The following HIPK3 variants were observed in gnomAD, a reference collection of about 807,000 sequenced individuals.
HIPK3 encodes the protein homeodomain interacting protein kinase 3, also known as homeodomain-interacting protein kinase 3.
In HIPK3, 47 loss-of-function variants were observed where a neutral mutation model predicts 124.2. The observed-to-expected ratio is 0.38, with a 90% CI of 0.30 to 0.48. The LOEUF (loss-of-function observed/expected upper bound fraction) is 0.48, where lower values mean the gene tolerates loss of function less well. Ranked by LOEUF, HIPK3 falls within the 20% of genes least tolerant of loss-of-function variation. The pLI, the probability that HIPK3 is intolerant of heterozygous loss-of-function variation, is 0.98. For synonymous variants in HIPK3, 482 were observed against 515.2 expected, an observed-to-expected ratio of 0.94 and a Z score of 0.87; for missense variants, 1,286 against 1,454.3, an observed-to-expected ratio of 0.88 and a Z score of 1.88.
chr11:33,272,109 A>G (rs942510614), intron 1 of HIPK3, among the ~76,000 whole-genome samples: 16 of 152,206 alleles, frequency 1.1e-4, no homozygotes, highest in African/African-American at 3.1e-4. Context: ...TAAGAATTCA[A>G]TGTCGTGGCC....
intron 1 of HIPK3, among the ~76,000 whole-genome samples, chr11:33,274,223 T>C (rs1851212965): frequency 6.6e-6 from 1 of 152,212 alleles, no homozygotes; most frequent in Non-Finnish European, 1.5e-5. Flanking sequence ...CCAGTTTACC[T>C]GTTGAGTTGT....
intron 1 of HIPK3, chr11:33,258,803 G>A: frequency 2.3e-6 from 2 of 866,328 alleles, no homozygotes; most frequent in Non-Finnish European, 2.8e-6. Flanking sequence ...GTCGTAACAC[G>A]TTCAGGCCTT....
chr11:33,258,205 G>GGC, intron 1 of HIPK3: 14 of 642,172 alleles, frequency 2.2e-5, no homozygotes, highest in South Asian at 7.0e-5. Flanking sequence ...GGGGGCCTCG[G>GGC]CCCCCCCTCC....
intron 1 of HIPK3, among the ~76,000 whole-genome samples, chr11:33,264,627 TG>T (rs1238126583): frequency 6.6e-6 from 1 of 152,230 alleles, no homozygotes; most frequent in African/African-American, 2.4e-5. Flanking sequence ...AAAACTTGGC[TG>T]TATTTGGCTA....
At chr11:33,300,575 A>G (rs890987505) in intron 2 of HIPK3, among the ~76,000 whole-genome samples, 1 of 152,246 alleles carries the variant, frequency 6.6e-6, no homozygotes, top group Non-Finnish European at 1.5e-5. Flanking sequence ...AGACTACAGT[A>G]TAATGTAAAC....
In HIPK3 at chr11:33,348,559, G is replaced by A. The variant is rs373565743; in HGVS notation, c.2407G>A (p.Ala803Thr). ...SLQNTNIPHS[A>T]FISPKIINGK... ...ACAGAATACCAATATCCCACATTCA[G>A]CATTTATTTCTCCAAAGATAATTAA... The change falls in exon 13 of 17, where the codon GCA (alanine) becomes ACA (threonine). Residue 803 changes from alanine to threonine, a missense_variant. Physicochemically the swap from Ala to Thr is moderately conservative, Grantham distance 58. Around this residue, in one of 3 missense-constraint regions of HIPK3, gnomAD observed 810 missense variants for 864.9 expected, o/e 0.94. Coordinates refer to ENST00000303296, the MANE Select transcript of HIPK3 (RefSeq NM_005734.5). 1.3e-4 allele frequency: 212 copies of A among 1,612,876 alleles called. No homozygotes were observed. Among genetic ancestry groups the A allele is most frequent in the Non-Finnish European group, 1.6e-4 (194 of 1,179,012 alleles).
At chr11:33,324,142 A>G (rs1228873401) in intron 2 of HIPK3, among the ~76,000 whole-genome samples, 1 of 152,236 alleles carries the variant, frequency 6.6e-6, no homozygotes, top group Non-Finnish European at 1.5e-5. Flanking sequence ...AAGTATATTT[A>G]GCCCATGGGA....
At chr11:33,321,515 G>A (rs978539765) in intron 2 of HIPK3, among the ~76,000 whole-genome samples, 7 of 152,172 alleles carry the variant, frequency 4.6e-5, no homozygotes, top group African/African-American at 1.4e-4. Flanking sequence ...ACTTCAGTAG[G>A]TGAGCATGGA....
chr11:33,264,670 GTA>G (rs1245424352), intron 1 of HIPK3, among the ~76,000 whole-genome samples: 2 of 152,084 alleles, frequency 1.3e-5, no homozygotes, highest in Non-Finnish European at 2.9e-5. Flanking sequence ...ATTTTAGAAA[GTA>G]TTTGATTTGC....
chr11:33,273,886 C>A (rs1370152387), intron 1 of HIPK3, among the ~76,000 whole-genome samples: 1 of 152,176 alleles, frequency 6.6e-6, no homozygotes, highest in African/African-American at 2.4e-5. Context: ...TCAGCTCTTA[C>A]AACTGAAAAA....
chr11:33,258,617 G>T, intron 1 of HIPK3: 1 of 985,392 alleles, frequency 1.0e-6, no homozygotes, highest in Non-Finnish European at 1.2e-6. Flanking sequence ...TCGCCGCACT[G>T]GGAGAACTGG....
chr11:33,294,229 T>C (rs575169577), intron 2 of HIPK3, among the ~76,000 whole-genome samples: 41 of 152,314 alleles, frequency 2.7e-4, no homozygotes, highest in African/African-American at 9.9e-4. Context: ...AGTTCCTTTT[T>C]TTTCTTTAAC....
intron 2 of HIPK3, among the ~76,000 whole-genome samples, chr11:33,322,719 A>C (rs1590399971): frequency 6.6e-6 from 1 of 152,296 alleles, no homozygotes; most frequent in South Asian, 2.1e-4. Flanking sequence ...CCAGCTACTC[A>C]GGAGGCTGAG....
chr11:33,339,514 A>T lies in HIPK3; in HGVS notation c.1593A>T (p.Leu531=). ...CTTTTGTTAATATGAAACATCTTCT[A>T]GATTTCCCTCATAGCAACCAGTATG... The part of the protein sequence containing the change: ...NHPFVNMKHL[L]DFPHSNHVKS... Residue 531 remains leucine, a synonymous_variant, in exon 6 of 17, where the codon CTA becomes CTT. Coordinates refer to ENST00000303296, the MANE Select transcript of HIPK3 (RefSeq NM_005734.5). 2 of 1,603,308 alleles carry T rather than the reference A, an allele frequency of 1.2e-6. No homozygotes were observed. The highest frequency in any genetic ancestry group is 1.7e-6 in the Non-Finnish European group (2 of 1,172,338).
chr11:33,304,450 G>A (rs1450989055), intron 2 of HIPK3, among the ~76,000 whole-genome samples: 1 of 151,936 alleles, frequency 6.6e-6, no homozygotes, highest in African/African-American at 2.4e-5. Flanking sequence ...CCAGCTACTC[G>A]GGAGGTTGAG....
At chr11:33,285,582 T>A (rs914140289) in intron 1 of HIPK3, among the ~76,000 whole-genome samples, 9 of 141,388 alleles carry the variant, frequency 6.4e-5, no homozygotes, top group African/African-American at 2.6e-4. Context: ...AAAAAAAATA[T>A]ATATATATAT....
intron 2 of HIPK3, among the ~76,000 whole-genome samples, chr11:33,311,360 AT>A (rs1471465294): frequency 2.0e-5 from 3 of 151,878 alleles, no homozygotes; most frequent in Admixed American, 2.0e-4. Flanking sequence ...TCATTTTTTC[AT>A]TTTGTGTAGA....
intron 2 of HIPK3, among the ~76,000 whole-genome samples, chr11:33,319,319 A>AC (rs1852595795): frequency 6.6e-6 from 1 of 152,106 alleles, no homozygotes; most frequent in Non-Finnish European, 1.5e-5. Flanking sequence ...ATATTGTGAA[A>AC]CCCCATCTCT....
intron 2 of HIPK3, among the ~76,000 whole-genome samples, chr11:33,294,416 C>T (rs948435496): frequency 3.3e-5 from 5 of 151,982 alleles, no homozygotes; most frequent in African/African-American, 9.7e-5. Context: ...ACCCACACAC[C>T]CACCCTCACC....
Sources: gnomAD v4.1 joint callset for allele counts (sites outside exome capture counted in the v4.1 genomes callset) on GRCh38, gnomAD v4.1.1 for gene constraint, gnomAD v4.1.1 regional missense constraint, MANE v1.5 for transcripts, NCBI Gene and HGNC (gene_info 2026-07-23, HGNC 2026-07-21) for gene names.